Variants in STK32A observed in about 807,000 individuals in gnomAD.
STK32A encodes serine/threonine-protein kinase 32A.
Under a neutral mutation model 53.2 loss-of-function variants are expected in STK32A, and 41 were observed. The observed-to-expected ratio is 0.77, with a 90% CI of 0.60 to 1.00. STK32A has a LOEUF of 1.00. Among genes scored for constraint, STK32A ranks in the 50% least tolerant of loss-of-function variants. STK32A has a pLI of 0.00. For synonymous variants in STK32A, 166 were observed against 162.8 expected (o/e 1.02, Z -0.15); for missense variants, 458 against 485.8 (o/e 0.94, Z 0.54).
the STK32A span, among the ~76,000 whole-genome samples, chr5:147,395,913 G>A: frequency 1.3e-5 from 2 of 152,108 alleles, no homozygotes; most frequent in Non-Finnish European, 2.9e-5. Flanking sequence ...GACAATGGAT[G>A]TGGTCAGTGA....
chr5:147,304,337 T>A (rs1191053319), intron 4 of STK32A, among the ~76,000 whole-genome samples: 1 of 152,192 alleles, frequency 6.6e-6, no homozygotes, highest in Non-Finnish European at 1.5e-5. Flanking sequence ...GTCATTCATT[T>A]AGATGGGGAG....
At chr5:147,353,558 G>A (rs1423561473) in intron 7 of STK32A, among the ~76,000 whole-genome samples, 2 of 151,982 alleles carry the variant, frequency 1.3e-5, no homozygotes, top group East Asian at 1.9e-4. Flanking sequence ...TCAAGAGATC[G>A]AGACCAGCCT....
chr5:147,316,454 C>G (rs1753993645), intron 4 of STK32A, among the ~76,000 whole-genome samples: 1 of 152,060 alleles, frequency 6.6e-6, no homozygotes, highest in South Asian at 2.1e-4. Flanking sequence ...AGGGTTATGT[C>G]AAACAAAACA....
chr5:147,281,961 C>A (rs111668202), intron 4 of STK32A, among the ~76,000 whole-genome samples: 1,971 of 152,164 alleles, frequency 0.013, 56 homozygotes, highest in African/African-American at 0.044. Flanking sequence ...CTCTGGCCTC[C>A]TCAAAACAAT....
chr5:147,399,202 G>A, the STK32A span: 29 of 1,614,136 alleles, frequency 1.8e-5, no homozygotes, highest in African/African-American at 6.7e-5. Context: ...TCTTGGCAGC[G>A]TTTGTGCTTG....
chr5:147,319,377 C>T (rs968256213), intron 4 of STK32A, among the ~76,000 whole-genome samples: 2 of 151,912 alleles, frequency 1.3e-5, no homozygotes, highest in African/African-American at 4.8e-5. Flanking sequence ...CTCCTGACCT[C>T]GTGATCCGCC....
At chr5:147,351,501 G>T (rs986233801) in intron 7 of STK32A, among the ~76,000 whole-genome samples, 17 of 152,094 alleles carry the variant, frequency 1.1e-4, no homozygotes, top group Admixed American at 3.9e-4. Context: ...ACACAGACAA[G>T]GTCTTCAGAT....
chr5:147,239,946 T>A lies in STK32A; in HGVS notation c.52+260T>A, dbSNP rs894161202. On this transcript the variant is annotated intron_variant, in intron 2 of 12. Transcript: ENST00000397936. ...AAGGGAGCTGCAGTTGGGCATGTGG[T>A]GGATAGTTAAATGATTTGTTTGTCC... The A allele has an allele frequency of 9.4e-6, 4 of 426,256 alleles. No individual in the cohort carries two copies. The Admixed American group carries it at 1.7e-4, about 18-fold the overall frequency. 26.4% of individuals were successfully genotyped at this position (426,256 alleles called of 1,614,324 possible).
intron 4 of STK32A, among the ~76,000 whole-genome samples, chr5:147,310,896 A>G (rs1281957115): frequency 6.6e-6 from 1 of 152,184 alleles, no homozygotes; most frequent in African/African-American, 2.4e-5. Flanking sequence ...GAAGCTTCAT[A>G]AATTAAATCT....
At position 147,383,871 on chromosome 5, in the gene STK32A, T is replaced by G; in HGVS notation, c.1098-19T>G. ...TTTTTCAAAGAATAAAACATCTTTTTTTTTCTTTTCTTTTTAAGAGTAAAC... is the reference window on the plus strand; with the variant it reads ...TTTTTCAAAGAATAAAACATCTTTTGTTTTCTTTTCTTTTTAAGAGTAAAC... On this transcript the variant is annotated intron_variant, in intron 12 of 12. Coordinates refer to ENST00000397936, the MANE Select transcript of STK32A (RefSeq NM_001112724.2). The G allele has an allele frequency of 6.8e-7, 1 of 1,459,860 alleles. No homozygotes were observed. Among genetic ancestry groups the G allele is most frequent in the South Asian group, 1.3e-5 (1 of 79,490 alleles). The allele number at this position is 1,459,860 out of a possible 1,614,324, so 90.4% of individuals were successfully genotyped here.
chr5:147,254,980 A>G (rs1460615992), intron 2 of STK32A, among the ~76,000 whole-genome samples: 1 of 152,174 alleles, frequency 6.6e-6, no homozygotes, highest in Non-Finnish European at 1.5e-5. Flanking sequence ...TCTACTAAAA[A>G]TACAAAAAAA....
intron 4 of STK32A, among the ~76,000 whole-genome samples, chr5:147,300,649 C>T (rs1753086150): frequency 6.6e-6 from 1 of 152,184 alleles, no homozygotes; most frequent in African/African-American, 2.4e-5. Context: ...GTCATTTGCA[C>T]ACTCACAAAC....
At chr5:147,298,069 G>A (rs948396483) in intron 4 of STK32A, among the ~76,000 whole-genome samples, 2 of 151,724 alleles carry the variant, frequency 1.3e-5, no homozygotes, top group Non-Finnish European at 2.9e-5. Flanking sequence ...TGTTGGATCT[G>A]TATTTTTATA....
chr5:147,398,154 T>C, the STK32A span, among the ~76,000 whole-genome samples: 2 of 152,200 alleles, frequency 1.3e-5, no homozygotes, highest in Non-Finnish European at 2.9e-5. Flanking sequence ...ATCACTGTCT[T>C]GTATTGAGCA....
chr5:147,288,836 T>G (rs949106042), intron 4 of STK32A, among the ~76,000 whole-genome samples: 1 of 152,152 alleles, frequency 6.6e-6, no homozygotes, highest in Non-Finnish European at 1.5e-5. Context: ...ACCATATCAG[T>G]GAGTAATTTA....
At chr5:147,240,395 G>A (rs544413217) in intron 2 of STK32A, among the ~76,000 whole-genome samples, 4 of 152,278 alleles carry the variant, frequency 2.6e-5, no homozygotes, top group African/African-American at 9.6e-5. Flanking sequence ...GTAGTAAGTT[G>A]TCCAGACCTC....
chr5:147,244,760 A>C (rs1753713753), intron 2 of STK32A, among the ~76,000 whole-genome samples: 1 of 152,210 alleles, frequency 6.6e-6, no homozygotes, highest in Non-Finnish European at 1.5e-5. Context: ...TGTAAGCCTC[A>C]GTTTCTTTGT....
chr5:147,266,494 T>A (rs1754818515), intron 2 of STK32A, among the ~76,000 whole-genome samples: 1 of 152,020 alleles, frequency 6.6e-6, no homozygotes, highest in African/African-American at 2.4e-5. Flanking sequence ...AATAGAAAAA[T>A]TTTCCCCAAA....
Position 147,356,717 on chromosome 5 carries a change from C to T in STK32A, c.563-4800C>T, listed in dbSNP as rs183121824. Among the ~76,000 whole-genome samples, 1,101 of 152,162 alleles carry T rather than the reference C, an allele frequency of 7.2e-3. 8 individuals are homozygous for T. The highest frequency in any genetic ancestry group is 0.024 in the Middle Eastern group (7 of 294). The stretch of plus-strand genomic sequence containing the variant: ...CAAAACATTTTGAACACCAACATGA[C>T]ACTCAAAGGAAATGCTCATTGAAGT... On this transcript the variant is annotated intron_variant, in intron 7 of 12. Coordinates refer to ENST00000397936, the MANE Select transcript of STK32A (RefSeq NM_001112724.2).
Sources: gnomAD v4.1 joint callset for allele counts (sites outside exome capture counted in the v4.1 genomes callset) on GRCh38, gnomAD v4.1.1 for gene constraint, MANE v1.5 for transcripts, NCBI Gene and HGNC (gene_info 2026-07-23, HGNC 2026-07-21) for gene names.